PLEKHA5: variants seen among roughly 807,000 people sequenced by gnomAD.
PLEKHA5 encodes the protein pleckstrin homology domain-containing family A member 5.
PLEKHA5 carries 55 observed loss-of-function variants against 181.9 expected under a neutral mutation model. That is an observed-to-expected ratio of 0.30 (90% CI 0.24 to 0.38). The LOEUF (loss-of-function observed/expected upper bound fraction) is 0.38. Ranked by LOEUF, PLEKHA5 falls within the 10% of genes least tolerant of loss-of-function variation. PLEKHA5 has a pLI of 1.00. For synonymous variants in PLEKHA5, 535 were observed against 529.4 expected (o/e 1.01, Z -0.15); for missense variants, 1,432 against 1,549.5 (o/e 0.92, Z 1.27).
chr12:19,370,354 G>A (rs908830563), intron 31 of PLEKHA5, among the ~76,000 whole-genome samples: 7 of 152,216 alleles, frequency 4.6e-5, no homozygotes, highest in Non-Finnish European at 1.0e-4. Flanking sequence ...GTATCAGGGA[G>A]AAGAAGGAAT....
intron 3 of PLEKHA5, among the ~76,000 whole-genome samples, chr12:19,244,361 TA>T (rs753745579): frequency 8.5e-5 from 13 of 152,254 alleles, no homozygotes; most frequent in Non-Finnish European, 1.6e-4. Context: ...AAACACAAGT[TA>T]AAAGCACACA....
intron 15 of PLEKHA5, among the ~76,000 whole-genome samples, chr12:19,294,082 T>C (rs1437917732): frequency 1.3e-5 from 2 of 152,182 alleles, no homozygotes; most frequent in Admixed American, 6.6e-5. Flanking sequence ...ATGGTACTTG[T>C]GTTTGAAGTA....
At chr12:19,141,451 A>G (rs2037259903) in intron 3 of PLEKHA5, among the ~76,000 whole-genome samples, 2 of 152,172 alleles carry the variant, frequency 1.3e-5, no homozygotes, top group Admixed American at 1.3e-4. Context: ...GGCCCAGTTC[A>G]TCATTGGAAG....
intron 3 of PLEKHA5, among the ~76,000 whole-genome samples, chr12:19,236,120 C>A (rs559507411): frequency 3.3e-5 from 5 of 152,290 alleles, no homozygotes; most frequent in Admixed American, 3.3e-4. Context: ...AAGCATGTTG[C>A]AAAACATATA....
intron 11 of PLEKHA5, 45 bp from the exon 12 acceptor site, chr12:19,283,235 A>T: frequency 7.6e-6 from 9 of 1,179,478 alleles, no homozygotes; most frequent in Non-Finnish European, 1.1e-5. Flanking sequence ...AATTTGGAAA[A>T]TAACCCTCCT....
intron 15 of PLEKHA5, among the ~76,000 whole-genome samples, chr12:19,299,756 T>C (rs1375102961): frequency 1.5e-4 from 23 of 152,196 alleles, no homozygotes; most frequent in Admixed American, 1.5e-3. Context: ...GGGAAGTCTG[T>C]GACTGCTGAA....
At chr12:19,197,962 G>A (rs1261266405) in intron 3 of PLEKHA5, among the ~76,000 whole-genome samples, 1 of 151,932 alleles carries the variant, frequency 6.6e-6, no homozygotes, top group Non-Finnish European at 1.5e-5. Flanking sequence ...AGTGAGCCCT[G>A]TTGACACTTC....
chr12:19,221,447 T>C (rs112515889), intron 3 of PLEKHA5, among the ~76,000 whole-genome samples: 11 of 152,178 alleles, frequency 7.2e-5, no homozygotes, highest in African/African-American at 2.4e-4. Context: ...GGCAAAACTA[T>C]AGAGTGGAAA....
chr12:19,150,033 A>G (rs2040010767), intron 3 of PLEKHA5: 1 of 152,320 alleles, frequency 6.6e-6, no homozygotes, highest in South Asian at 2.1e-4. Context: ...CATGTAAGGT[A>G]CATGCTGAAA....
At chr12:19,337,988 T>C (rs1642892087) in intron 21 of PLEKHA5, among the ~76,000 whole-genome samples, 1 of 144,824 alleles carries the variant, frequency 6.9e-6, no homozygotes, top group Non-Finnish European at 1.5e-5. Flanking sequence ...CCAAGACCAC[T>C]CCATTGTACT....
intron 11 of PLEKHA5, among the ~76,000 whole-genome samples, chr12:19,280,760 T>A (rs905012212): frequency 3.3e-5 from 5 of 151,304 alleles, no homozygotes; most frequent in Non-Finnish European, 7.4e-5. Context: ...AGACAGAGTG[T>A]CTGTCACCAG....
intron 12 of PLEKHA5, among the ~76,000 whole-genome samples, chr12:19,285,690 C>G (rs539741864): frequency 6.6e-6 from 1 of 152,318 alleles, no homozygotes; most frequent in East Asian, 1.9e-4. Flanking sequence ...GTAGCCCTCC[C>G]TGCCACACAC....
intron 15 of PLEKHA5, among the ~76,000 whole-genome samples, chr12:19,312,144 T>G (rs763886714): frequency 7.2e-5 from 11 of 152,236 alleles, no homozygotes; most frequent in Non-Finnish European, 1.6e-4. Context: ...ACAGTGGATT[T>G]AAGATATTCA....
At chr12:19,230,921 G>A (rs1444670378) in intron 3 of PLEKHA5, among the ~76,000 whole-genome samples, 2 of 152,208 alleles carry the variant, frequency 1.3e-5, no homozygotes, top group Non-Finnish European at 2.9e-5. Flanking sequence ...ATATCATGGT[G>A]AGTAAAGGAC....
rs187453968 is a variant in PLEKHA5, at chr12:19,366,244, A to G, written c.3754+135A>G. The G allele has an allele frequency of 1.0e-5, 7 of 693,484 alleles. No individual in the cohort carries two copies. In the East Asian group the frequency reaches 2.0e-4, roughly 20 times the overall value. 43.0% of individuals were successfully genotyped at this position (693,484 alleles called of 1,614,324 possible). On this transcript the variant is annotated intron_variant, in intron 30 of 31. Transcript: ENST00000429027. The stretch of plus-strand genomic sequence containing the variant: ...AGATGAGTCAACGTTTGCCTCCCCA[A>G]GTGTACCTTCAGGAGGATGCAGCCC...
intron 21 of PLEKHA5, among the ~76,000 whole-genome samples, chr12:19,339,344 A>G (rs903702279): frequency 4.6e-5 from 7 of 152,142 alleles, no homozygotes; most frequent in African/African-American, 1.7e-4. Flanking sequence ...CCCGGCTATA[A>G]CTTCTTAAAA....
intron 3 of PLEKHA5, among the ~76,000 whole-genome samples, chr12:19,140,114 T>G (rs2036825300): frequency 2.6e-5 from 4 of 152,202 alleles, no homozygotes. Flanking sequence ...TAGTGATTAG[T>G]GTACATCAGT....
At chr12:19,287,283 C>T (rs1188588175) in intron 12 of PLEKHA5, among the ~76,000 whole-genome samples, 190 bp from the exon 13 acceptor site, 1 of 152,184 alleles carries the variant, frequency 6.6e-6, no homozygotes, top group Non-Finnish European at 1.5e-5. Flanking sequence ...GGATTACAGG[C>T]GTGAGCCACC....
chr12:19,225,683 A>G (rs371184759), intron 3 of PLEKHA5, among the ~76,000 whole-genome samples: 58 of 152,272 alleles, frequency 3.8e-4, no homozygotes, highest in African/African-American at 1.3e-3. Context: ...GATCTTCATA[A>G]CTGTAAATTA....
Sources: allele counts gnomAD v4.1 joint callset (sites outside exome capture counted in the v4.1 genomes callset), GRCh38; gene constraint gnomAD v4.1.1; transcripts MANE v1.5; gene names NCBI Gene and HGNC (gene_info 2026-07-23, HGNC 2026-07-21).